Variants in CDKAL1 observed in about 807,000 individuals in gnomAD.
The protein encoded by CDKAL1 is CDKAL1 threonylcarbamoyladenosine tRNA methylthiotransferase, also known as threonylcarbamoyladenosine tRNA methylthiotransferase.
In CDKAL1, 32 loss-of-function variants were observed where a neutral mutation model predicts 68.2. That is an observed-to-expected ratio of 0.47 (90% CI 0.35 to 0.63). CDKAL1 has a LOEUF of 0.63. CDKAL1 is among the 30% of genes least tolerant of loss of function. CDKAL1 has a pLI of 0.00. For synonymous variants in CDKAL1, 234 were observed against 244.3 expected (o/e 0.96, Z 0.39); for missense variants, 606 against 696.7 (o/e 0.87, Z 1.47).
intron 5 of CDKAL1, among the ~76,000 whole-genome samples, chr6:20,649,853 A>T (rs1338306415): frequency 6.6e-6 from 1 of 152,152 alleles, no homozygotes; most frequent in African/African-American, 2.4e-5. Flanking sequence ...TTTGGTGCGG[A>T]TGACGGCTTC....
chr6:20,991,073 A>G (rs1766765313), intron 10 of CDKAL1, among the ~76,000 whole-genome samples: 1 of 152,238 alleles, frequency 6.6e-6, no homozygotes, highest in South Asian at 2.1e-4. Context: ...AAATCTATAC[A>G]TTGTGCTTTG....
intron 5 of CDKAL1, among the ~76,000 whole-genome samples, chr6:20,709,992 G>T (rs931815241): frequency 2.6e-5 from 4 of 152,102 alleles, no homozygotes; most frequent in African/African-American, 9.7e-5. Context: ...GAGTGAAATG[G>T]ATGTTGGAAT....
intron 5 of CDKAL1, among the ~76,000 whole-genome samples, chr6:20,724,849 G>C (rs1311118033): frequency 6.6e-6 from 1 of 152,178 alleles, no homozygotes; most frequent in Non-Finnish European, 1.5e-5. Context: ...TTAACACTAA[G>C]CTAGAAAATA....
chr6:20,758,949 GAC>G (rs2150349791), intron 7 of CDKAL1, among the ~76,000 whole-genome samples: 1 of 152,244 alleles, frequency 6.6e-6, no homozygotes, highest in East Asian at 1.9e-4. Context: ...AGGAGTTCAA[GAC>G]CAGCCTGGGC....
intron 4 of CDKAL1, among the ~76,000 whole-genome samples, chr6:20,570,687 T>C (rs1764663965): frequency 1.3e-5 from 2 of 152,190 alleles, no homozygotes; most frequent in African/African-American, 4.8e-5. Context: ...AGGTGTGCAC[T>C]GGGTCAGCTT....
chr6:20,553,221 T>C (rs1019109667), intron 4 of CDKAL1, among the ~76,000 whole-genome samples: 4 of 152,144 alleles, frequency 2.6e-5, no homozygotes, highest in Admixed American at 2.6e-4. Flanking sequence ...GTGTTAATAC[T>C]TCATAAGGCC....
chr6:20,584,603 T>C (rs115783947), intron 4 of CDKAL1, among the ~76,000 whole-genome samples: 3,633 of 152,302 alleles, frequency 0.024, 136 homozygotes, highest in African/African-American at 0.077. Context: ...TGGTGAGTCC[T>C]TGGTGAGTTA....
intron 2 of CDKAL1, among the ~76,000 whole-genome samples, chr6:20,545,689 C>T (rs901375565): frequency 4.6e-5 from 7 of 152,092 alleles, no homozygotes; most frequent in African/African-American, 1.4e-4. Flanking sequence ...GCCCACCTCC[C>T]CAAAGTGCTG....
chr6:20,544,991 G>A (rs12216047), intron 2 of CDKAL1, among the ~76,000 whole-genome samples: 1 of 144,670 alleles, frequency 6.9e-6, no homozygotes, highest in Non-Finnish European at 1.5e-5. Flanking sequence ...GTGTGTGTGT[G>A]TGTTTGTGTT....
At chr6:20,590,670 C>T (rs952087829) in intron 4 of CDKAL1, among the ~76,000 whole-genome samples, 2 of 152,164 alleles carry the variant, frequency 1.3e-5, no homozygotes, top group African/African-American at 2.4e-5. Flanking sequence ...ATCCATGTCC[C>T]TGCAAAGGAC....
chr6:21,045,035 C>T (rs567329810), intron 11 of CDKAL1, among the ~76,000 whole-genome samples: 3 of 152,258 alleles, frequency 2.0e-5, no homozygotes, highest in East Asian at 1.9e-4. Context: ...TAAGGCTCTG[C>T]CTTCATGATG....
At chr6:20,968,154 G>GTT (rs572253126) in intron 10 of CDKAL1, among the ~76,000 whole-genome samples, 15 of 139,500 alleles carry the variant, frequency 1.1e-4, no homozygotes, top group African/African-American at 2.3e-4. Flanking sequence ...TTTGTTCTGG[G>GTT]TTTTTTTTTT....
chr6:20,574,734 A>T (rs572702588), intron 4 of CDKAL1, among the ~76,000 whole-genome samples: 6 of 152,230 alleles, frequency 3.9e-5, no homozygotes, highest in African/African-American at 1.4e-4. Flanking sequence ...ACACCATAAA[A>T]ACAGTTCTCT....
intron 10 of CDKAL1, among the ~76,000 whole-genome samples, chr6:20,987,808 C>CTTACT (rs1462812846): frequency 6.6e-6 from 1 of 151,998 alleles, no homozygotes; most frequent in African/African-American, 2.4e-5. Flanking sequence ...GGGACAGGGT[C>CTTACT]TTACTCTGTT....
chr6:21,122,372 A>G (rs941937136), intron 13 of CDKAL1, among the ~76,000 whole-genome samples: 1 of 152,308 alleles, frequency 6.6e-6, no homozygotes, highest in South Asian at 2.1e-4. Flanking sequence ...ACATGAGCTC[A>G]TAGGAGTTTT....
rs142106769 is a variant in CDKAL1 at position 20,597,233 on chromosome 6, A to G, written c.286+48528A>G. ...AACCTCTGCCTCCTGAGTTCATGCCATTCTCCTGCCTCAGCCTCCCGAGTA... is the reference window on the plus strand; with the variant it reads ...AACCTCTGCCTCCTGAGTTCATGCCGTTCTCCTGCCTCAGCCTCCCGAGTA... On this transcript the variant is annotated intron_variant, in intron 4 of 15. Coordinates refer to ENST00000274695, the MANE Select transcript of CDKAL1 (RefSeq NM_017774.3). 6.8e-3 allele frequency among the ~76,000 whole-genome samples: 1,036 copies of G among 151,988 alleles called. 5 individuals carry two copies. Among genetic ancestry groups the G allele is most frequent in the Non-Finnish European group, 0.011 (748 of 67,996 alleles).
intron 9 of CDKAL1, among the ~76,000 whole-genome samples, chr6:20,865,998 G>A (rs1238398784): frequency 6.6e-6 from 1 of 152,148 alleles, no homozygotes; most frequent in Non-Finnish European, 1.5e-5. Context: ...ATGTAGTTGT[G>A]TGCCTGATTT....
At chr6:20,941,572 A>G (rs1249792056) in intron 9 of CDKAL1, among the ~76,000 whole-genome samples, 1 of 152,224 alleles carries the variant, frequency 6.6e-6, no homozygotes, top group Non-Finnish European at 1.5e-5. Flanking sequence ...ATTCAAATAC[A>G]TTGATTGATT....
At chr6:21,051,358 A>G (rs144951686) in intron 11 of CDKAL1, among the ~76,000 whole-genome samples, 1 of 152,322 alleles carries the variant, frequency 6.6e-6, no homozygotes, top group African/African-American at 2.4e-5. Context: ...TAGGTGACAG[A>G]GTGAGACCAT....
Sources: gnomAD v4.1 joint callset for allele counts (sites outside exome capture counted in the v4.1 genomes callset) on GRCh38, gnomAD v4.1.1 for gene constraint, MANE v1.5 for transcripts, NCBI Gene and HGNC (gene_info 2026-07-23, HGNC 2026-07-21) for gene names.